Variants in ARB2A observed in about 807,000 individuals in gnomAD.
The protein encoded by ARB2A is ARB2 cotranscriptional regulator A, also known as cotranscriptional regulator ARB2A.
chr5:93,623,579 T>C, the ARB2A span, among the ~76,000 whole-genome samples: 1 of 152,188 alleles, frequency 6.6e-6, no homozygotes, highest in Non-Finnish European at 1.5e-5. Flanking sequence ...AGCTTTTTAG[T>C]TTTAGCTTTT....
chr5:93,663,128 T>G, the ARB2A span, among the ~76,000 whole-genome samples: 1 of 152,144 alleles, frequency 6.6e-6, no homozygotes, highest in Admixed American at 6.5e-5. Context: ...AACACCTAAA[T>G]TTTGGAGGGG....
the ARB2A span, among the ~76,000 whole-genome samples, chr5:93,742,101 A>T: frequency 0.19 from 28,256 of 151,980 alleles, 3,019 homozygotes; most frequent in Middle Eastern, 0.28. Context: ...AACCTAGGCA[A>T]CCCTGCTTGA....
the ARB2A span, among the ~76,000 whole-genome samples, chr5:93,686,979 G>A: frequency 2.0e-5 from 3 of 151,842 alleles, no homozygotes; most frequent in South Asian, 2.1e-4. Context: ...ACATAAAAAC[G>A]AAAAACGTTG....
chr5:94,040,596 A>G, the ARB2A span, among the ~76,000 whole-genome samples: 1 of 149,872 alleles, frequency 6.7e-6, no homozygotes, highest in Non-Finnish European at 1.5e-5. Context: ...GAGTGAGAAC[A>G]TGTGAGTGTT....
chr5:93,888,012 C>T, the ARB2A span, among the ~76,000 whole-genome samples: 1 of 151,772 alleles, frequency 6.6e-6, no homozygotes, highest in Non-Finnish European at 1.5e-5. Flanking sequence ...AAACACACAC[C>T]CTTGTCTCCA....
At chr5:93,891,704 T>G in the ARB2A span, among the ~76,000 whole-genome samples, 1 of 152,132 alleles carries the variant, frequency 6.6e-6, no homozygotes, top group Non-Finnish European at 1.5e-5. Context: ...ATTAAATCTT[T>G]CAATTGTCCA....
chr5:93,847,320 T>C, the ARB2A span, among the ~76,000 whole-genome samples: 1 of 152,192 alleles, frequency 6.6e-6, no homozygotes, highest in African/African-American at 2.4e-5. Flanking sequence ...AAACGTAATA[T>C]ATTTTAGTAA....
the ARB2A span, among the ~76,000 whole-genome samples, chr5:93,962,643 G>A: frequency 6.6e-6 from 1 of 152,014 alleles, no homozygotes; most frequent in Admixed American, 6.6e-5. Context: ...AGAGAGCTCG[G>A]GAGAAAGCTA....
chr5:93,979,970 A>G, the ARB2A span, among the ~76,000 whole-genome samples: 3 of 151,982 alleles, frequency 2.0e-5, no homozygotes, highest in African/African-American at 4.8e-5. Context: ...TTTTTAACGC[A>G]TCTTACCTCC....
chr5:93,746,438 T>C, the ARB2A span, among the ~76,000 whole-genome samples: 3 of 152,216 alleles, frequency 2.0e-5, no homozygotes, highest in African/African-American at 4.8e-5. Context: ...AGAAATGCTA[T>C]AATGTAGTAG....
the ARB2A span, among the ~76,000 whole-genome samples, chr5:93,818,236 T>G: frequency 6.6e-6 from 1 of 152,130 alleles, no homozygotes; most frequent in African/African-American, 2.4e-5. Context: ...CCTCATACAC[T>G]GCTGGCAGGA....
the ARB2A span, among the ~76,000 whole-genome samples, chr5:94,027,254 T>A: frequency 6.6e-6 from 1 of 152,214 alleles, no homozygotes; most frequent in Admixed American, 6.5e-5. Flanking sequence ...ATACAACTCC[T>A]AAAATCCTCA....
At chr5:93,815,047 T>C in the ARB2A span, among the ~76,000 whole-genome samples, 2 of 151,822 alleles carry the variant, frequency 1.3e-5, no homozygotes, top group African/African-American at 4.8e-5. Flanking sequence ...CTTCCTATGT[T>C]GCCCTGGGTG....
the ARB2A span, among the ~76,000 whole-genome samples, chr5:93,727,927 G>T: frequency 6.6e-6 from 1 of 152,048 alleles, no homozygotes; most frequent in Non-Finnish European, 1.5e-5. Flanking sequence ...GGGGAAAAAT[G>T]AATCTTTTCA....
the ARB2A span, among the ~76,000 whole-genome samples, chr5:93,967,395 TC>T: frequency 6.6e-6 from 1 of 152,186 alleles, no homozygotes; most frequent in East Asian, 1.9e-4. Flanking sequence ...TCAACAAATC[TC>T]ATTAGATCCA....
the ARB2A span, among the ~76,000 whole-genome samples, chr5:93,832,911 G>A: frequency 1.7e-4 from 26 of 152,184 alleles, no homozygotes; most frequent in African/African-American, 6.3e-4. Context: ...AAAGTCAACT[G>A]AAGGTCAGAA....
the ARB2A span, among the ~76,000 whole-genome samples, chr5:93,977,496 C>A: frequency 6.6e-6 from 1 of 151,892 alleles, no homozygotes; most frequent in Non-Finnish European, 1.5e-5. Context: ...TCAACAAAGT[C>A]AGTAAAAATA....
At chr5:93,710,116 T>C in the ARB2A span, among the ~76,000 whole-genome samples, 2 of 152,194 alleles carry the variant, frequency 1.3e-5, no homozygotes, top group Non-Finnish European at 2.9e-5. Context: ...TTCAGGAGCA[T>C]GTTATGCATT....
the ARB2A span, among the ~76,000 whole-genome samples, chr5:93,846,385 T>G: frequency 5.9e-5 from 9 of 151,358 alleles, no homozygotes; most frequent in African/African-American, 2.2e-4. Flanking sequence ...GCCTGTAGTC[T>G]TTGCTCACTG....
Sources: gnomAD v4.1 joint callset for allele counts (sites outside exome capture counted in the v4.1 genomes callset) on GRCh38, gnomAD v4.1.1 for gene constraint, MANE v1.5 for transcripts, NCBI Gene and HGNC (gene_info 2026-07-23, HGNC 2026-07-21) for gene names.